The following STK26 variants were observed in gnomAD, a reference collection of about 807,000 sequenced individuals.
STK26 encodes the protein serine/threonine kinase 26.
A neutral mutation model predicts 34.7 loss-of-function variants in STK26; 14 were observed. The observed-to-expected ratio is 0.40, with a 90% CI of 0.27 to 0.63. The LOEUF (loss-of-function observed/expected upper bound fraction) is 0.63, where lower values mean the gene tolerates loss of function less well. Ranked by LOEUF, STK26 falls within the 30% of genes least tolerant of loss-of-function variation. The probability of loss-of-function intolerance (pLI) is 0.38; values close to 1 mark genes in which losing one functional copy is unlikely to be tolerated. For missense variants in STK26, 226 were observed against 309.1 expected (o/e 0.73, Z 2.02); for synonymous variants, 100 against 109.8 (o/e 0.91, Z 0.56).
chrX:132,072,462 G>A (rs757923280), intron 9 of STK26, 101 bp downstream of exon 9: 56 of 653,865 alleles, frequency 8.6e-5, no homozygotes, highest in Non-Finnish European at 6.9e-5. Context: ...ACCCCTAAAT[G>A]CCTGTCTGCC....
intron 2 of STK26, among the ~76,000 whole-genome samples, chrX:132,029,990 G>A (rs1925770624): frequency 9.0e-6 from 1 of 111,270 alleles, no homozygotes. Flanking sequence ...GTAAAATCTT[G>A]GCTAATCACT....
intron 7 of STK26, among the ~76,000 whole-genome samples, chrX:132,070,802 G>A (rs748900995): frequency 8.9e-6 from 1 of 112,803 alleles, no homozygotes; most frequent in African/African-American, 3.2e-5. Context: ...AGAAGGCCCT[G>A]CCTGCCAGTT....
Position 132,047,491 on chromosome X carries a change from G to A in STK26, c.43-7140G>A, listed in dbSNP as rs894970617. ...ACAGAACTGGAAACCTTAGTATTAA[G>A]GGTTACTGAAGTATACAACAAATCA... is the stretch of plus-strand genomic sequence containing the variant. On this transcript the variant is annotated intron_variant, in intron 2 of 11. Transcript: ENST00000394334. Among the ~76,000 whole-genome samples the A allele has an allele frequency of 4.5e-5, 5 of 111,098 alleles. No individual in the cohort carries two copies. In the South Asian group the frequency reaches 1.9e-3, roughly 42 times the overall value.
In STK26 at chrX:132,044,715, ATATATATT is replaced by A. The variant is rs1286435984; in HGVS notation, c.43-9908_43-9901del. ...GAGAGAGAGAGAGAGAGAGATCTATATATATATTTATATATATATAGAGAGATCTATAT... is the reference window on the plus strand; with the variant it reads ...GAGAGAGAGAGAGAGAGAGATCTATATATATATATATAGAGAGATCTATAT... On this transcript the variant is annotated intron_variant, in intron 2 of 11. Transcript: ENST00000394334. Among the ~76,000 whole-genome samples, 18 of 62,043 alleles carry A rather than the reference ATATATATT, an allele frequency of 2.9e-4. 1 individual carries two copies. The highest frequency in any genetic ancestry group is 3.4e-4 in the Non-Finnish European group (11 of 32,742). The allele number at this position is 62,043 out of a possible 115,157, so 53.9% of individuals were successfully genotyped here.
chrX:132,072,721 G>C, intron 9 of STK26, 92 bp from the exon 10 acceptor site: 1 of 926,032 alleles, frequency 1.1e-6, no homozygotes, highest in Admixed American at 2.3e-5. Context: ...TTTTCAGTAG[G>C]GGATTCAAAT....
chrX:132,073,237 A>G, intron 11 of STK26, 144 bp downstream of exon 11: 2 of 647,884 alleles, frequency 3.1e-6, no homozygotes, highest in Non-Finnish European at 4.5e-6. Context: ...ACTTAAAAAT[A>G]GTTTTTGTCT....
intron 2 of STK26, among the ~76,000 whole-genome samples, chrX:132,039,969 C>T (rs1225334227): frequency 9.0e-6 from 1 of 111,364 alleles, no homozygotes; most frequent in Admixed American, 9.6e-5. Context: ...ATAAGGAAGC[C>T]CAATTCTAGA....
chrX:132,036,496 G>A (rs985014368), intron 2 of STK26, among the ~76,000 whole-genome samples: 1 of 111,732 alleles, frequency 8.9e-6, no homozygotes, highest in African/African-American at 3.3e-5. Flanking sequence ...TCATGAGGCT[G>A]AGGGAGGAGA....
intron 2 of STK26, among the ~76,000 whole-genome samples, chrX:132,033,303 G>A (rs1374989114): frequency 9.0e-6 from 1 of 111,480 alleles, no homozygotes; most frequent in Non-Finnish European, 1.9e-5. Flanking sequence ...ATTTCCTGCC[G>A]CCTGCCTTAA....
intron 2 of STK26, 64 bp downstream of exon 2, chrX:132,023,723 T>G: frequency 8.8e-7 from 1 of 1,132,749 alleles, no homozygotes; most frequent in Non-Finnish European, 1.2e-6. Flanking sequence ...GCGCCCTCGG[T>G]GCTGGGCACC....
At chrX:132,037,769 C>CTTTTTTTTTTTTT (rs755403402) in intron 2 of STK26, among the ~76,000 whole-genome samples, 44 of 51,851 alleles carry the variant, frequency 8.5e-4, no homozygotes, top group African/African-American at 3.7e-3. Context: ...CGGAGAGCTG[C>CTTTTTTTTTTTTT]TTTTTTTTTT....
chrX:132,054,921 C>G, intron 3 of STK26, 60 bp downstream of exon 3: 2 of 1,007,275 alleles, frequency 2.0e-6, no homozygotes, highest in Non-Finnish European at 2.7e-6. Context: ...TTTTTTAATT[C>G]TATTTTTTTG....
At chrX:132,034,811 G>C (rs986777561) in intron 2 of STK26, among the ~76,000 whole-genome samples, 3 of 110,758 alleles carry the variant, frequency 2.7e-5, no homozygotes, top group African/African-American at 9.9e-5. Flanking sequence ...GCATGCATGG[G>C]AAGCACCTGG....
chrX:132,023,779 C>A, intron 2 of STK26, 120 bp downstream of exon 2: 1 of 866,472 alleles, frequency 1.2e-6, no homozygotes, highest in South Asian at 2.5e-5. Flanking sequence ...CAGGGCCGGT[C>A]ACTATGGCCA....
At chrX:132,033,944 A>G (rs5933051) in intron 2 of STK26, among the ~76,000 whole-genome samples, 35,958 of 108,062 alleles carry the variant, frequency 0.33, 4,900 homozygotes, top group African/African-American at 0.42. Context: ...AAAGGAAACT[A>G]TCATTTATAG....
chrX:132,060,307 G>A (rs1344189992), intron 3 of STK26, among the ~76,000 whole-genome samples: 1 of 111,422 alleles, frequency 9.0e-6, no homozygotes, highest in Non-Finnish European at 1.9e-5. Context: ...TTTGAACTAA[G>A]TCTTGAGAAT....
chrX:132,050,204 C>G (rs1224657553), intron 2 of STK26, among the ~76,000 whole-genome samples: 1 of 111,294 alleles, frequency 9.0e-6, no homozygotes, highest in Non-Finnish European at 1.9e-5. Flanking sequence ...ACAAGTTGAC[C>G]CATTTTCTAC....
rs777025308 is a variant in STK26, at chrX:132,056,016, A to C, written c.273+1155A>C. Among the ~76,000 whole-genome samples the C allele has an allele frequency of 2.7e-5, 3 of 112,284 alleles. No individual in the cohort carries two copies. The East Asian group carries it at 8.4e-4, about 31-fold the overall frequency. ...ATTTCTGAGTTTTTAAAATGATTTA[A>C]TCTACTTGTTAAATTTATCATTTTG... On this transcript the variant is annotated intron_variant, in intron 3 of 11. Transcript: ENST00000394334.
chrX:132,026,940 G>C (rs773603956), intron 2 of STK26, among the ~76,000 whole-genome samples: 5 of 112,271 alleles, frequency 4.5e-5, no homozygotes, highest in Non-Finnish European at 7.5e-5. Context: ...GGGAAACACT[G>C]CCCGACATTG....
Sources: allele counts gnomAD v4.1 joint callset (sites outside exome capture counted in the v4.1 genomes callset), GRCh38; gene constraint gnomAD v4.1.1; transcripts MANE v1.5; gene names NCBI Gene and HGNC (gene_info 2026-07-23, HGNC 2026-07-21).